MYO5B: variants seen among roughly 807,000 people sequenced by gnomAD.
MYO5B encodes unconventional myosin-Vb.
Under a neutral mutation model 229.3 loss-of-function variants are expected in MYO5B, and 143 were observed. The ratio of observed to expected loss-of-function variants is 0.62; its 90% CI spans 0.54 to 0.72. The LOEUF is 0.72. Among genes scored for constraint, MYO5B ranks in the 30% least tolerant of loss-of-function variants. MYO5B has a pLI of 0.00. For missense variants in MYO5B, 2,321 were observed against 2,331.0 expected (o/e 1.00, Z 0.09); for synonymous variants, 918 against 885.2 (o/e 1.04, Z -0.66).
At chr18:49,864,769 A>G (rs1284115105) in intron 27 of MYO5B, among the ~76,000 whole-genome samples, 1 of 152,252 alleles carries the variant, frequency 6.6e-6, no homozygotes, top group Non-Finnish European at 1.5e-5. Flanking sequence ...TGACTTTCCA[A>G]GAAAAGATAC....
chr18:49,850,033 C>G, intron 31 of MYO5B: 1 of 351,722 alleles, frequency 2.8e-6, no homozygotes, highest in South Asian at 2.4e-5. Context: ...TGGGAAGGAA[C>G]GGACAGGTGT....
At chr18:49,873,568 T>C (rs1323145837) in intron 26 of MYO5B, among the ~76,000 whole-genome samples, 1 of 152,242 alleles carries the variant, frequency 6.6e-6, no homozygotes, top group East Asian at 1.9e-4. Flanking sequence ...TAGGAGGCTG[T>C]GGCTGTCCAG....
intron 33 of MYO5B, among the ~76,000 whole-genome samples, chr18:49,844,449 A>G (rs1306975256): frequency 6.6e-6 from 1 of 152,144 alleles, no homozygotes; most frequent in Non-Finnish European, 1.5e-5. Flanking sequence ...AATGGCAATG[A>G]AGGGAGGCCA....
chr18:49,881,160 G>C (rs983027472), intron 22 of MYO5B, among the ~76,000 whole-genome samples: 3 of 152,118 alleles, frequency 2.0e-5, no homozygotes, highest in East Asian at 3.9e-4. Context: ...CTTTTGTTCA[G>C]TCCAACAGGG....
chr18:49,911,081 G>C (rs1474962136), intron 18 of MYO5B, among the ~76,000 whole-genome samples: 1 of 152,184 alleles, frequency 6.6e-6, no homozygotes. Context: ...AAGTATCTGG[G>C]GGAGGGCCTG....
chr18:49,936,244 G>A lies in MYO5B; in HGVS notation c.2003+8C>T, dbSNP rs368790491. The A allele has an allele frequency of 1.3e-5, 20 of 1,582,634 alleles. 1 individual carries two copies. Among genetic ancestry groups the A allele is most frequent in the Middle Eastern group, 1.7e-4 (1 of 6,014 alleles). ...GGCTGGACAGGCTAATGCCCAGCAG[G>A]CACTTACTGAAAGGGGAGCTTCTCA... is the stretch of plus-strand genomic sequence containing the variant. On this transcript the variant is annotated splice_region_variant and intron_variant, in intron 16 of 39. Transcript: ENST00000285039.
At chr18:49,983,888 G>A (rs1216593967) in intron 8 of MYO5B, among the ~76,000 whole-genome samples, 2 of 152,138 alleles carry the variant, frequency 1.3e-5, no homozygotes, top group Non-Finnish European at 1.5e-5. Flanking sequence ...TTTGGACATT[G>A]GCTACAACTT....
chr18:49,965,455 T>TCACACACACACACA lies in MYO5B; in HGVS notation c.1323-2439_1323-2426dup, dbSNP rs57101973. Among the ~76,000 whole-genome samples the TCACACACACACACA allele has an allele frequency of 6.3e-3, 932 of 147,204 alleles. 5 individuals carry two copies. Among genetic ancestry groups the TCACACACACACACA allele is most frequent in the African/African-American group, 0.017 (657 of 39,526 alleles). On this transcript the variant is annotated intron_variant, in intron 10 of 39. Coordinates refer to ENST00000285039, the MANE Select transcript of MYO5B (RefSeq NM_001080467.3). Reference sequence around the variant, plus strand: ...TCTTTTCATACAAACACACTTCTTTTCACACACACACACACACACACACAC... The same window carrying TCACACACACACACA: ...TCTTTTCATACAAACACACTTCTTTTCACACACACACACACACACACACACACACACACACACAC...
At chr18:50,054,805 T>C (rs1343619492) in intron 2 of MYO5B, among the ~76,000 whole-genome samples, 4 of 152,126 alleles carry the variant, frequency 2.6e-5, no homozygotes, top group African/African-American at 7.2e-5. Context: ...CTAGATAAAC[T>C]AGCACTCCCA....
intron 4 of MYO5B, among the ~76,000 whole-genome samples, chr18:50,012,328 A>G (rs1437158065): frequency 2.6e-5 from 4 of 152,198 alleles, no homozygotes; most frequent in Non-Finnish European, 5.9e-5. Context: ...GCCTAATACA[A>G]TGTACCACTG....
chr18:50,122,457 A>AAAAAAAAAAC lies in MYO5B; in HGVS notation c.28-67080_28-67079insGTTTTTTTTT, dbSNP rs1475848770. ...TCTCAACTAAAAAAAAAAAAAAAAA[A>AAAAAAAAAAC]AAAATCAGCCAGGTGTGGTGGCAGG... is the stretch of plus-strand genomic sequence containing the variant. On this transcript the variant is annotated intron_variant, in intron 1 of 39. Coordinates refer to ENST00000285039, the MANE Select transcript of MYO5B (RefSeq NM_001080467.3). Among the ~76,000 whole-genome samples the AAAAAAAAAAC allele has an allele frequency of 4.1e-5, 6 of 146,334 alleles. 1 individual carries two copies. In the South Asian group the frequency reaches 6.6e-4, roughly 16 times the overall value.
At chr18:50,095,625 G>A (rs918471230) in intron 1 of MYO5B, among the ~76,000 whole-genome samples, 2 of 152,214 alleles carry the variant, frequency 1.3e-5, no homozygotes, top group African/African-American at 4.8e-5. Flanking sequence ...ATGAGCATGT[G>A]TGAGCCTAGC....
In MYO5B at chr18:49,915,138, C is replaced by CT. The variant is rs201281103; in HGVS notation, c.2091-2966dup. On this transcript the variant is annotated intron_variant, in intron 17 of 39. Transcript: ENST00000285039. ...ACCAAAATGACATCTCTCCCTTTTCCTTTTTTTTTCCTCTATGTAAAATGG... is the reference window on the plus strand; with the variant it reads ...ACCAAAATGACATCTCTCCCTTTTCCTTTTTTTTTTCCTCTATGTAAAATGG... Among the ~76,000 whole-genome samples, 25 of 151,608 alleles carry CT rather than the reference C, an allele frequency of 1.6e-4. No homozygotes were observed. The South Asian group carries it at 2.9e-3, about 18-fold the overall frequency.
At chr18:49,977,634 C>T (rs2025766489) in intron 9 of MYO5B, among the ~76,000 whole-genome samples, 2 of 152,310 alleles carry the variant, frequency 1.3e-5, no homozygotes, top group Admixed American at 6.5e-5. Flanking sequence ...GCCAGGCTGG[C>T]AGGAGTGAAG....
At chr18:50,073,016 A>G (rs1368185467) in intron 1 of MYO5B, among the ~76,000 whole-genome samples, 1 of 152,222 alleles carries the variant, frequency 6.6e-6, no homozygotes, top group Non-Finnish European at 1.5e-5. Context: ...GGTTGGAGTC[A>G]CATCGTAGCC....
chr18:50,105,959 C>G (rs1436800607), intron 1 of MYO5B, among the ~76,000 whole-genome samples: 1 of 151,984 alleles, frequency 6.6e-6, no homozygotes, highest in Non-Finnish European at 1.5e-5. Context: ...GGCTGTCCAC[C>G]CTACCCACCC....
intron 10 of MYO5B, among the ~76,000 whole-genome samples, chr18:49,971,288 C>T (rs1441388629): frequency 6.6e-6 from 1 of 152,110 alleles, no homozygotes; most frequent in Non-Finnish European, 1.5e-5. Flanking sequence ...GTGTGATGCC[C>T]ACTTCCAGGT....
intron 4 of MYO5B, among the ~76,000 whole-genome samples, chr18:50,020,481 G>T (rs1396318331): frequency 6.6e-6 from 1 of 152,100 alleles, no homozygotes; most frequent in Non-Finnish European, 1.5e-5. Flanking sequence ...CTGAATGTCG[G>T]GACTCCAATC....
chr18:49,877,613 T>C, intron 25 of MYO5B, 150 bp downstream of exon 25: 1 of 992,416 alleles, frequency 1.0e-6, no homozygotes, highest in Non-Finnish European at 1.5e-6. Context: ...AAATCCACTG[T>C]AGTCCAAGTG....
Sources: gnomAD v4.1 joint callset for allele counts (sites outside exome capture counted in the v4.1 genomes callset) on GRCh38, gnomAD v4.1.1 for gene constraint, MANE v1.5 for transcripts, NCBI Gene and HGNC (gene_info 2026-07-23, HGNC 2026-07-21) for gene names.